PCSK5: variants seen among roughly 807,000 people sequenced by gnomAD.
PCSK5 encodes prohormone convertase 5.
Under a neutral mutation model 233.2 loss-of-function variants are expected in PCSK5, and 129 were observed. The observed-to-expected ratio is 0.55, with a 90% confidence interval of 0.48 to 0.64. The LOEUF is 0.64. Among genes scored for constraint, PCSK5 ranks in the 30% least tolerant of loss-of-function variants. PCSK5 has a pLI of 0.00. For synonymous variants in PCSK5, 825 were observed against 879.2 expected (o/e 0.94, Z 1.09); for missense variants, 2,076 against 2,430.1 (o/e 0.85, Z 3.06).
intron 5 of PCSK5, among the ~76,000 whole-genome samples, chr9:76,049,773 G>C (rs1829557731): frequency 6.6e-6 from 1 of 152,186 alleles, no homozygotes; most frequent in Admixed American, 6.5e-5. Flanking sequence ...AGTGTGTTCA[G>C]TTTGCTTATG....
intron 5 of PCSK5, among the ~76,000 whole-genome samples, chr9:76,051,580 A>T (rs1334142912): frequency 3.3e-5 from 5 of 152,056 alleles, no homozygotes; most frequent in Admixed American, 2.6e-4. Context: ...TACTTATCTC[A>T]GTAGAGCAGA....
chr9:76,273,564 AATATATATATACATAT>A (rs1169017333), intron 24 of PCSK5, among the ~76,000 whole-genome samples: 2 of 74,860 alleles, frequency 2.7e-5, no homozygotes, highest in East Asian at 3.9e-4. Flanking sequence ...ACAAAATAGT[AATATATATATACATAT>A]ATATATATAT....
At chr9:76,197,128 G>A (rs1048292066) in intron 20 of PCSK5, among the ~76,000 whole-genome samples, 1 of 152,216 alleles carries the variant, frequency 6.6e-6, no homozygotes, top group Non-Finnish European at 1.5e-5. Flanking sequence ...CATACAAGGT[G>A]CTTAGGGAAG....
intron 3 of PCSK5, among the ~76,000 whole-genome samples, chr9:76,023,143 C>T (rs1828273475): frequency 6.6e-6 from 1 of 152,144 alleles, no homozygotes. Context: ...AACATGTTAA[C>T]AATAAAATGA....
At chr9:75,952,664 C>T (rs556369001) in intron 2 of PCSK5, among the ~76,000 whole-genome samples, 1 of 152,190 alleles carries the variant, frequency 6.6e-6, no homozygotes, top group South Asian at 2.1e-4. Context: ...ATCTGCTTTC[C>T]GGACCTGTAG....
At chr9:76,063,196 A>G (rs1402439470) in intron 5 of PCSK5, among the ~76,000 whole-genome samples, 1 of 150,728 alleles carries the variant, frequency 6.6e-6, no homozygotes, top group Non-Finnish European at 1.5e-5. Flanking sequence ...GTGCAGTGGC[A>G]TGATCATGGT....
At chr9:75,971,577 A>T (rs1427421555) in intron 2 of PCSK5, among the ~76,000 whole-genome samples, 1 of 152,186 alleles carries the variant, frequency 6.6e-6, no homozygotes, top group Non-Finnish European at 1.5e-5. Flanking sequence ...CTGTTTCTCG[A>T]CAGTCTCACC....
At chr9:75,924,530 G>A (rs1214954903) in intron 1 of PCSK5, among the ~76,000 whole-genome samples, 6 of 151,960 alleles carry the variant, frequency 3.9e-5, no homozygotes, top group Non-Finnish European at 5.9e-5. Context: ...TTTATTGCCG[G>A]CATGGAAACA....
At chr9:76,247,508 C>A (rs578254729) in intron 24 of PCSK5, among the ~76,000 whole-genome samples, 19 of 152,148 alleles carry the variant, frequency 1.2e-4, no homozygotes, top group African/African-American at 4.6e-4. Context: ...CTGATTGGTC[C>A]GGTGTGAGCT....
At chr9:75,931,760 A>G (rs1319591933) in intron 1 of PCSK5, among the ~76,000 whole-genome samples, 1 of 152,232 alleles carries the variant, frequency 6.6e-6, no homozygotes, top group Non-Finnish European at 1.5e-5. Flanking sequence ...AACTGTTTTT[A>G]TACAGGAAGC....
chr9:75,895,820 C>A (rs1189986294), intron 1 of PCSK5, among the ~76,000 whole-genome samples: 3 of 152,202 alleles, frequency 2.0e-5, no homozygotes, highest in African/African-American at 7.2e-5. Flanking sequence ...GCAGGGAGAA[C>A]TTTGTTCAGA....
At chr9:75,898,332 G>A (rs965778477) in intron 1 of PCSK5, among the ~76,000 whole-genome samples, 3 of 152,226 alleles carry the variant, frequency 2.0e-5, no homozygotes, top group African/African-American at 7.2e-5. Flanking sequence ...GCCAGAGGTA[G>A]TGCTAATGTC....
At chr9:76,008,695 C>T (rs948375020) in intron 3 of PCSK5, among the ~76,000 whole-genome samples, 3 of 152,056 alleles carry the variant, frequency 2.0e-5, no homozygotes, top group Non-Finnish European at 2.9e-5. Context: ...CTCCTGACCT[C>T]GTGATCCACC....
chr9:76,281,681 C>G (rs1330769279), intron 24 of PCSK5, among the ~76,000 whole-genome samples: 1 of 152,192 alleles, frequency 6.6e-6, no homozygotes, highest in Non-Finnish European at 1.5e-5. Context: ...CAGGGTCCCA[C>G]TCTGTCACCC....
chr9:75,890,861 C>G lies in PCSK5; in HGVS notation c.-321C>G. On this transcript the variant is annotated 5_prime_UTR_variant, in exon 1 of 38. Coordinates refer to ENST00000674117, the MANE Select transcript of PCSK5 (RefSeq NM_001372043.1). ...GAGTCGGAGAGTCCGGGAGCCAAGC[C>G]GGGCGAAACCCAACTGCGGAGGACG... is the stretch of plus-strand genomic sequence containing the variant. The G allele has an allele frequency of 3.7e-6, 1 of 270,874 alleles. No homozygotes were observed. Among genetic ancestry groups the G allele is most frequent in the Non-Finnish European group, 6.9e-6 (1 of 143,940 alleles). 16.8% of individuals were successfully genotyped at this position (270,874 alleles called of 1,614,324 possible).
chr9:76,144,194 GT>G (rs1177298677), intron 10 of PCSK5, among the ~76,000 whole-genome samples: 5 of 150,892 alleles, frequency 3.3e-5, no homozygotes, highest in Non-Finnish European at 5.9e-5. Flanking sequence ...AAGCTGTATT[GT>G]TTTTCTGAAC....
intron 5 of PCSK5, among the ~76,000 whole-genome samples, chr9:76,027,651 A>G (rs12554374): frequency 0.21 from 31,553 of 149,782 alleles, 4,430 homozygotes; most frequent in East Asian, 0.63. Context: ...ATGCAAATCA[A>G]CATTCACATC....
chr9:76,327,731 C>G (rs757155864), intron 32 of PCSK5, among the ~76,000 whole-genome samples: 2 of 152,024 alleles, frequency 1.3e-5, no homozygotes, highest in Non-Finnish European at 2.9e-5. Context: ...TTATAGTGAG[C>G]CTTACTAATA....
chr9:76,127,298 A>G (rs1822549136), intron 9 of PCSK5, among the ~76,000 whole-genome samples: 1 of 152,222 alleles, frequency 6.6e-6, no homozygotes, highest in South Asian at 2.1e-4. Context: ...GCAAATAAGT[A>G]TACTTGTAGT....
Sources: allele counts gnomAD v4.1 joint callset (sites outside exome capture counted in the v4.1 genomes callset), GRCh38; gene constraint gnomAD v4.1.1; transcripts MANE v1.5; gene names NCBI Gene and HGNC (gene_info 2026-07-23, HGNC 2026-07-21).